The following FHIT variants were observed in gnomAD, a reference collection of about 807,000 sequenced individuals.
FHIT encodes the protein bis(5'-adenosyl)-triphosphatase.
FHIT carries 19 observed loss-of-function variants against 17.9 expected under a neutral mutation model. That is an observed-to-expected ratio of 1.06 (90% CI 0.74 to 1.56). The LOEUF is 1.56. FHIT is among the 40% of genes most tolerant of loss of function. The pLI, the probability that FHIT is intolerant of heterozygous loss-of-function variation, is 0.00. For synonymous variants in FHIT, 81 were observed against 69.7 expected (o/e 1.16, Z -0.81); for missense variants, 248 against 189.2 (o/e 1.31, Z -1.82).
chr3:60,657,010 C>A (rs2040132519), intron 4 of FHIT, among the ~76,000 whole-genome samples: 1 of 150,832 alleles, frequency 6.6e-6, no homozygotes, highest in African/African-American at 2.4e-5. Context: ...CAAATAAAAG[C>A]CAAATGAATA....
At chr3:60,545,876 T>C (rs568374276) in intron 4 of FHIT, among the ~76,000 whole-genome samples, 33 of 152,178 alleles carry the variant, frequency 2.2e-4, no homozygotes, top group Middle Eastern at 3.4e-3. Context: ...CTTTGTCTCA[T>C]TGCTTCATTG....
At chr3:59,782,623 C>T (rs4679611) in intron 8 of FHIT, among the ~76,000 whole-genome samples, 3,314 of 152,278 alleles carry the variant, frequency 0.022, 79 homozygotes, top group East Asian at 0.11. Flanking sequence ...TACCATGATG[C>T]ATCCGATTCA....
At chr3:60,854,976 A>T (rs1553749526) in intron 3 of FHIT, among the ~76,000 whole-genome samples, 1 of 152,088 alleles carries the variant, frequency 6.6e-6, no homozygotes, top group Non-Finnish European at 1.5e-5. Context: ...AGGGAGGTTC[A>T]GGGAATTACT....
chr3:61,198,971 A>G (rs2038937086), intron 2 of FHIT, among the ~76,000 whole-genome samples: 1 of 152,144 alleles, frequency 6.6e-6, no homozygotes, highest in African/African-American at 2.4e-5. Flanking sequence ...ACATCTACTG[A>G]GCACTTATCA....
chr3:60,738,598 A>T (rs1342751096), intron 4 of FHIT, among the ~76,000 whole-genome samples: 1 of 152,240 alleles, frequency 6.6e-6, no homozygotes, highest in Non-Finnish European at 1.5e-5. Flanking sequence ...TTTGAAGAAG[A>T]GCTATCCCTG....
intron 5 of FHIT, among the ~76,000 whole-genome samples, chr3:60,525,555 C>T (rs376538437): frequency 8.1e-4 from 123 of 152,258 alleles, no homozygotes; most frequent in African/African-American, 2.8e-3. Flanking sequence ...TTTCCAGCCA[C>T]CCTATGTTGA....
Position 60,133,882 on chromosome 3 carries a change from C to A in FHIT, c.104-119730G>T, listed in dbSNP as rs9871450. The stretch of plus-strand genomic sequence containing the variant: ...CATGTTTCCATTTTTGTGACAGTTT[C>A]CCCTTCCCTTGAAAAAAAGAAAATA... On this transcript the variant is annotated intron_variant, in intron 5 of 9. Coordinates refer to ENST00000492590, the MANE Select transcript of FHIT (RefSeq NM_002012.4). Among the ~76,000 whole-genome samples, 449 of 150,314 alleles carry A rather than the reference C, an allele frequency of 3.0e-3. 3 individuals are homozygous for A. The highest frequency in any genetic ancestry group is 8.9e-3 in the African/African-American group (360 of 40,390).
chr3:59,863,221 T>G (rs1359969100), intron 8 of FHIT, among the ~76,000 whole-genome samples: 1 of 152,146 alleles, frequency 6.6e-6, no homozygotes, highest in Non-Finnish European at 1.5e-5. Flanking sequence ...TACGATAAAG[T>G]CTTAATGAAC....
At chr3:60,477,351 T>C (rs1358724120) in intron 5 of FHIT, among the ~76,000 whole-genome samples, 1 of 152,200 alleles carries the variant, frequency 6.6e-6, no homozygotes, top group Non-Finnish European at 1.5e-5. Flanking sequence ...TCTTTTCCTT[T>C]GATCATCTAC....
At chr3:60,534,576 G>C (rs751780659) in intron 5 of FHIT, among the ~76,000 whole-genome samples, 1 of 151,858 alleles carries the variant, frequency 6.6e-6, no homozygotes, top group African/African-American at 2.4e-5. Context: ...CTGGCCCTGA[G>C]ACTGTTTTAA....
At chr3:60,689,459 T>C (rs185852904) in intron 4 of FHIT, among the ~76,000 whole-genome samples, 1 of 152,204 alleles carries the variant, frequency 6.6e-6, no homozygotes, top group African/African-American at 2.4e-5. Flanking sequence ...TAAAGTAGTC[T>C]GTAGGTTACA....
chr3:60,690,489 G>A, intron 4 of FHIT: 1 of 566,558 alleles, frequency 1.8e-6, no homozygotes, highest in Non-Finnish European at 3.5e-6. Flanking sequence ...CCCTGTAGAT[G>A]GACTTGCTAC....
intron 5 of FHIT, among the ~76,000 whole-genome samples, chr3:60,361,276 A>G (rs373504385): frequency 6.6e-5 from 10 of 152,236 alleles, no homozygotes; most frequent in African/African-American, 1.4e-4. Context: ...TATAGGTTGA[A>G]CGAGACAAAA....
At chr3:60,183,215 T>A (rs187620261) in intron 5 of FHIT, among the ~76,000 whole-genome samples, 3 of 152,214 alleles carry the variant, frequency 2.0e-5, no homozygotes, top group Admixed American at 2.0e-4. Context: ...CTAGCCGACA[T>A]GGTGAAAATC....
At chr3:59,756,594 A>AAGTT (rs1197947039) in intron 8 of FHIT, among the ~76,000 whole-genome samples, 1 of 152,150 alleles carries the variant, frequency 6.6e-6, no homozygotes, top group Admixed American at 6.6e-5. Flanking sequence ...CTGAAATACA[A>AAGTT]AGTTAACTGG....
rs1470341576 is a variant in FHIT, at chr3:61,189,000, G to C, written c.-164+11617C>G. Among the ~76,000 whole-genome samples the C allele has an allele frequency of 7.2e-5, 11 of 152,084 alleles. No homozygotes were observed. The East Asian group carries it at 2.1e-3, about 29-fold the overall frequency. On this transcript the variant is annotated intron_variant, in intron 2 of 9. Transcript: ENST00000492590. ...CATACTGAATGGGCAAAAACTGGAA[G>C]CATTCCCTTTGAAAACTGGCACAAG...
chr3:60,695,116 C>T (rs9845813), intron 4 of FHIT, among the ~76,000 whole-genome samples: 3 of 151,988 alleles, frequency 2.0e-5, no homozygotes, highest in Non-Finnish European at 2.9e-5. Flanking sequence ...AAAGGTAGGC[C>T]GGGTGCTGTG....
At chr3:60,233,166 A>G (rs1704590222) in intron 5 of FHIT, among the ~76,000 whole-genome samples, 1 of 152,188 alleles carries the variant, frequency 6.6e-6, no homozygotes, top group Non-Finnish European at 1.5e-5. Context: ...TAACATTTTT[A>G]TAATAAAAAA....
At chr3:60,448,303 T>C (rs1260499889) in intron 5 of FHIT, among the ~76,000 whole-genome samples, 2 of 152,110 alleles carry the variant, frequency 1.3e-5, no homozygotes, top group East Asian at 3.9e-4. Flanking sequence ...GTTTTCATAA[T>C]TATCAAGTGT....
Sources: allele counts gnomAD v4.1 joint callset (sites outside exome capture counted in the v4.1 genomes callset), GRCh38; gene constraint gnomAD v4.1.1; transcripts MANE v1.5; gene names NCBI Gene and HGNC (gene_info 2026-07-23, HGNC 2026-07-21).